The following FRMD4A variants were observed in gnomAD, a reference collection of about 807,000 sequenced individuals.
The protein encoded by FRMD4A is FERM domain containing 4A, also known as FERM domain-containing protein 4A.
In FRMD4A, 29 loss-of-function variants were observed where a neutral mutation model predicts 129.1. That is an observed-to-expected ratio of 0.22 (90% CI 0.17 to 0.31). The LOEUF (loss-of-function observed/expected upper bound fraction) is 0.31. Ranked by LOEUF, FRMD4A falls within the 10% of genes least tolerant of loss-of-function variation. The pLI is 1.00. For missense variants in FRMD4A, 1,272 were observed against 1,375.8 expected (o/e 0.92, Z 1.19); for synonymous variants, 634 against 571.6 (o/e 1.11, Z -1.56).
At chr10:14,009,693 C>G (rs1411182540) in intron 2 of FRMD4A, among the ~76,000 whole-genome samples, 1 of 152,224 alleles carries the variant, frequency 6.6e-6, no homozygotes, top group Non-Finnish European at 1.5e-5. Flanking sequence ...AGACACACAT[C>G]ACGAGTCAGT....
intron 2 of FRMD4A, among the ~76,000 whole-genome samples, chr10:14,018,733 T>C (rs942431092): frequency 6.6e-6 from 1 of 152,156 alleles, no homozygotes; most frequent in Non-Finnish European, 1.5e-5. Flanking sequence ...AACTAGGACA[T>C]TGTTCTTTTA....
At chr10:14,241,357 TG>T (rs1231461835) in intron 2 of FRMD4A, among the ~76,000 whole-genome samples, 2 of 152,238 alleles carry the variant, frequency 1.3e-5, no homozygotes, top group African/African-American at 2.4e-5. Context: ...TGGAACCATC[TG>T]AACTTGTTTT....
At chr10:14,112,994 T>C (rs964359688) in intron 2 of FRMD4A, among the ~76,000 whole-genome samples, 2 of 152,102 alleles carry the variant, frequency 1.3e-5, no homozygotes, top group Non-Finnish European at 2.9e-5. Context: ...GAGAGGGCAG[T>C]CCTGAGCAGC....
intron 2 of FRMD4A, among the ~76,000 whole-genome samples, chr10:14,189,340 G>A (rs1362080332): frequency 2.0e-5 from 3 of 152,204 alleles, no homozygotes; most frequent in Admixed American, 2.0e-4. Flanking sequence ...TTGGGAGGCA[G>A]AGGTGGGTGG....
intron 2 of FRMD4A, among the ~76,000 whole-genome samples, chr10:14,252,531 T>C (rs765239622): frequency 4.6e-5 from 7 of 152,246 alleles, no homozygotes; most frequent in Non-Finnish European, 8.8e-5. Context: ...TTTGGGGTTG[T>C]CCAGTGTTTC....
chr10:14,049,951 C>T (rs758903679), intron 2 of FRMD4A, among the ~76,000 whole-genome samples: 7 of 152,204 alleles, frequency 4.6e-5, no homozygotes, highest in Non-Finnish European at 8.8e-5. Flanking sequence ...GCCGCACTTC[C>T]GTCTAGTTCA....
chr10:13,781,234 G>A (rs950243201), intron 6 of FRMD4A, among the ~76,000 whole-genome samples: 2 of 148,906 alleles, frequency 1.3e-5, no homozygotes, highest in Non-Finnish European at 3.0e-5. Flanking sequence ...AACCCAGAAG[G>A]TGGAGGTTGC....
At chr10:14,245,060 C>G (rs1039102376) in intron 2 of FRMD4A, among the ~76,000 whole-genome samples, 1 of 152,188 alleles carries the variant, frequency 6.6e-6, no homozygotes, top group Non-Finnish European at 1.5e-5. Flanking sequence ...GCACAAAAGC[C>G]TCAGGCTCTT....
intron 2 of FRMD4A, among the ~76,000 whole-genome samples, chr10:13,939,240 G>A (rs944071133): frequency 1.3e-5 from 2 of 152,186 alleles, no homozygotes; most frequent in African/African-American, 4.8e-5. Flanking sequence ...AAACCATCCT[G>A]GAGAGCGTTT....
chr10:13,666,703 G>A (rs1251603811), intron 17 of FRMD4A, among the ~76,000 whole-genome samples: 2 of 152,094 alleles, frequency 1.3e-5, no homozygotes, highest in African/African-American at 4.8e-5. Flanking sequence ...GATGTAGGAT[G>A]CAGCAGGATT....
chr10:14,326,555 ATTAT>A (rs1256509140), intron 2 of FRMD4A: 1 of 302,108 alleles, frequency 3.3e-6, no homozygotes, highest in Non-Finnish European at 6.0e-6. Flanking sequence ...CTTAATTTGC[ATTAT>A]TTATTATCCA....
intron 2 of FRMD4A, among the ~76,000 whole-genome samples, chr10:14,215,775 C>T (rs762919681): frequency 6.6e-6 from 1 of 152,132 alleles, no homozygotes; most frequent in Non-Finnish European, 1.5e-5. Context: ...AGTCAGTTAA[C>T]TCACCAAGTT....
At chr10:13,982,559 A>G (rs1319539376) in intron 2 of FRMD4A, among the ~76,000 whole-genome samples, 1 of 151,506 alleles carries the variant, frequency 6.6e-6, no homozygotes, top group African/African-American at 2.4e-5. Context: ...CCCCCATTCC[A>G]GAGAGGGTCC....
rs538283917 is a variant in FRMD4A, at chr10:14,092,881, G to A, written c.46-233969C>T. On this transcript the variant is annotated intron_variant, in intron 2 of 24. Coordinates refer to ENST00000357447, the MANE Select transcript of FRMD4A (RefSeq NM_018027.5). The stretch of plus-strand genomic sequence containing the variant: ...CAACTGCTCTCCAGAATGGGACTCA[G>A]GCCTAGGGGACAGCAGAGACCTAGG... 3.3e-5 allele frequency among the ~76,000 whole-genome samples: 5 copies of A among 152,328 alleles called. No homozygotes were observed. The East Asian group carries it at 9.6e-4, about 29-fold the overall frequency.
intron 12 of FRMD4A, among the ~76,000 whole-genome samples, chr10:13,735,384 T>A (rs1383226404): frequency 6.6e-6 from 1 of 152,226 alleles, no homozygotes; most frequent in Non-Finnish European, 1.5e-5. Context: ...TGGACCTGGA[T>A]AAGTTCCATT....
intron 2 of FRMD4A, among the ~76,000 whole-genome samples, chr10:14,157,073 G>T (rs989001240): frequency 3.3e-5 from 5 of 152,192 alleles, no homozygotes; most frequent in Non-Finnish European, 5.9e-5. Flanking sequence ...GAGCCTGGGG[G>T]TTCAGGTCTG....
chr10:14,077,855 C>T (rs1294318971), intron 2 of FRMD4A, among the ~76,000 whole-genome samples: 8 of 152,180 alleles, frequency 5.3e-5, no homozygotes, highest in African/African-American at 1.9e-4. Context: ...GCTTAACATC[C>T]ATCTAGAATA....
chr10:13,832,518 T>C (rs1234086540), intron 3 of FRMD4A, among the ~76,000 whole-genome samples: 3 of 152,200 alleles, frequency 2.0e-5, no homozygotes, highest in Non-Finnish European at 4.4e-5. Flanking sequence ...CCGACTTGAT[T>C]GGTCTTGGGT....
rs1564319961 is a variant in FRMD4A at position 14,128,045 on chromosome 10, CCTCTTTCTTTCTTTCTTTCTT to C, written c.45+201992_45+202012del. 9.9e-3 allele frequency among the ~76,000 whole-genome samples: 745 copies of C among 75,542 alleles called. 15 individuals are homozygous for C. Among genetic ancestry groups the C allele is most frequent in the Middle Eastern group, 0.042 (5 of 118 alleles). The allele number at this position is 75,542 out of a possible 152,430, so 49.6% of individuals were successfully genotyped here. On this transcript the variant is annotated intron_variant, in intron 2 of 24. Transcript: ENST00000357447. ...CTTCCTTCCTTCCTTCCTTTCTTTC[CCTCTTTCTTTCTTTCTTTCTT>C]TCTTTCTTTCTTTCTTTCTTTCTTT...
Sources: allele counts gnomAD v4.1 joint callset (sites outside exome capture counted in the v4.1 genomes callset), GRCh38; gene constraint gnomAD v4.1.1; transcripts MANE v1.5; gene names NCBI Gene and HGNC (gene_info 2026-07-23, HGNC 2026-07-21).